Variants in PNLIP observed in about 807,000 individuals in gnomAD.
The protein encoded by PNLIP is pancreatic lipase.
Under a neutral mutation model 57.1 loss-of-function variants are expected in PNLIP, and 49 were observed. The observed-to-expected ratio is 0.86, with a 90% confidence interval of 0.68 to 1.09. The LOEUF is 1.09. PNLIP is among the 50% of genes least tolerant of loss of function. PNLIP has a pLI of 0.00. For missense variants in PNLIP, 503 were observed against 570.2 expected, an observed-to-expected ratio of 0.88 and a Z score of 1.20; for synonymous variants, 209 against 200.4, an observed-to-expected ratio of 1.04 and a Z score of -0.36.
At chr10:116,553,644 T>C in intron 5 of PNLIP, 83 bp from the exon 6 acceptor site, 1 of 775,220 alleles carries the variant, frequency 1.3e-6, no homozygotes, top group East Asian at 2.6e-5. Flanking sequence ...CGCTTGATGA[T>C]GCATTTCTTG....
At chr10:116,558,905 G>A (rs567660640) in intron 9 of PNLIP, among the ~76,000 whole-genome samples, 10 of 152,274 alleles carry the variant, frequency 6.6e-5, no homozygotes, top group East Asian at 3.9e-4. Flanking sequence ...GATTACAAGC[G>A]TGAGCCACCA....
chr10:116,562,035 T>C (rs751791023), intron 12 of PNLIP, among the ~76,000 whole-genome samples: 2 of 152,164 alleles, frequency 1.3e-5, no homozygotes, highest in Non-Finnish European at 2.9e-5. Context: ...AGAAATAGGC[T>C]TTTCCAAATC....
intron 12 of PNLIP, among the ~76,000 whole-genome samples, chr10:116,563,949 A>C (rs1847339507): frequency 6.6e-6 from 1 of 152,190 alleles, no homozygotes; most frequent in African/African-American, 2.4e-5. Context: ...TATTTATTTG[A>C]AATAAGACCC....
At chr10:116,558,125 G>A (rs1002557632) in intron 9 of PNLIP, among the ~76,000 whole-genome samples, 6 of 148,690 alleles carry the variant, frequency 4.0e-5, no homozygotes, top group Admixed American at 2.7e-4. Context: ...TGAGCCTATT[G>A]TCCTCCTAAT....
At chr10:116,553,388 C>T (rs548824258) in intron 5 of PNLIP, among the ~76,000 whole-genome samples, 49 of 152,304 alleles carry the variant, frequency 3.2e-4, no homozygotes, top group Admixed American at 1.7e-3. Flanking sequence ...TACAGGTGTG[C>T]GCCACCAAGG....
chr10:116,561,094 G>A (rs1169402473), intron 11 of PNLIP, among the ~76,000 whole-genome samples: 1 of 152,118 alleles, frequency 6.6e-6, no homozygotes, highest in Non-Finnish European at 1.5e-5. Flanking sequence ...TTGATAACTG[G>A]CATCTGATTT....
At chr10:116,560,628 A>C in intron 11 of PNLIP, 104 bp downstream of exon 11, 1 of 560,538 alleles carries the variant, frequency 1.8e-6, no homozygotes, top group Non-Finnish European at 3.0e-6. Context: ...CCCAGGCTGG[A>C]GTGTAGTGGT....
At chr10:116,566,851 G>GA (rs1847372346) in intron 12 of PNLIP, among the ~76,000 whole-genome samples, 1 of 151,970 alleles carries the variant, frequency 6.6e-6, no homozygotes, top group Non-Finnish European at 1.5e-5. Flanking sequence ...AGCGTGAAGG[G>GA]AAAAAAACAT....
At chr10:116,566,757 G>T (rs1847371547) in intron 12 of PNLIP, among the ~76,000 whole-genome samples, 1 of 152,028 alleles carries the variant, frequency 6.6e-6, no homozygotes, top group Non-Finnish European at 1.5e-5. Context: ...AAATATTGGT[G>T]CCTTTCTTTT....
At chr10:116,560,132 T>C (rs185856867) in intron 10 of PNLIP, among the ~76,000 whole-genome samples, 1 of 151,994 alleles carries the variant, frequency 6.6e-6, no homozygotes, top group Non-Finnish European at 1.5e-5. Flanking sequence ...AGGTTGGAAA[T>C]TGAAAACTAA....
chr10:116,554,201 G>A (rs370274344), intron 6 of PNLIP, among the ~76,000 whole-genome samples: 10 of 152,204 alleles, frequency 6.6e-5, no homozygotes, highest in African/African-American at 2.4e-4. Flanking sequence ...TAAGGACATC[G>A]AGAGATTTTA....
Position 116,546,108 on chromosome 10 carries a change from ACT to A in PNLIP, c.19_20del (p.Leu7PhefsTer22). MLPLW[T>X]LSLLLGAVAG... ...TTTCGTGTAGATGCTGCCACTTTGG[ACT>A]CTTTCACTGCTGCTGGGAGCAGTAG... is the stretch of plus-strand genomic sequence containing the variant. On this transcript the variant is annotated frameshift_variant, in exon 2 of 13. Transcript: ENST00000369221. LOFTEE classifies it high-confidence loss of function. The A allele has an allele frequency of 6.2e-7, 1 of 1,613,724 alleles. No individual in the cohort carries two copies. The highest frequency in any genetic ancestry group is 8.5e-7 in the Non-Finnish European group (1 of 1,179,790).
intron 9 of PNLIP, among the ~76,000 whole-genome samples, chr10:116,557,586 G>C (rs574181667): frequency 1.3e-5 from 2 of 152,284 alleles, no homozygotes; most frequent in East Asian, 3.9e-4. Flanking sequence ...AATGCCCTCA[G>C]AGAGCTTTGG....
chr10:116,562,360 AAC>A (rs1170298307), intron 12 of PNLIP, among the ~76,000 whole-genome samples: 2 of 152,220 alleles, frequency 1.3e-5, no homozygotes, highest in African/African-American at 4.8e-5. Flanking sequence ...AGTACATGAA[AAC>A]ACAGTTTTCC....
Position 116,547,313 on chromosome 10 carries a change from A to G in PNLIP, c.66A>G (p.Glu22=), listed in dbSNP as rs966104377. The G allele has an allele frequency of 1.9e-6, 3 of 1,613,990 alleles. No individual in the cohort carries two copies. The highest frequency in any genetic ancestry group is 3.3e-5 in the Admixed American group (2 of 59,998). ...TTGCAGGAAAAGAAGTTTGCTACGA[A>G]AGACTCGGCTGCTTCAGTGATGACT... ...GAVAGKEVCY[E]RLGCFSDDSP... is the part of the protein sequence containing the mutation. The change falls in exon 3 of 13, where the codon GAA becomes GAG. Residue 22 remains glutamate, a synonymous_variant. Coordinates refer to ENST00000369221, the MANE Select transcript of PNLIP (RefSeq NM_000936.4).
chr10:116,553,369 T>C (rs1446398825), intron 5 of PNLIP, among the ~76,000 whole-genome samples: 2 of 152,234 alleles, frequency 1.3e-5, no homozygotes, highest in African/African-American at 4.8e-5. Flanking sequence ...CCCCCCAAAG[T>C]GCTGGGATTA....
intron 6 of PNLIP, among the ~76,000 whole-genome samples, chr10:116,554,455 C>T (rs551283650): frequency 9.9e-5 from 15 of 152,232 alleles, no homozygotes; most frequent in East Asian, 1.9e-4. Context: ...AATGAGATAA[C>T]GAATAGTATT....
At chr10:116,557,024 G>A (rs747473099) in intron 9 of PNLIP, among the ~76,000 whole-genome samples, 3 of 152,140 alleles carry the variant, frequency 2.0e-5, no homozygotes, top group Non-Finnish European at 2.9e-5. Flanking sequence ...GAATACATAC[G>A]TTAATTGCTT....
At chr10:116,555,333 A>G (rs954890006) in intron 7 of PNLIP, 36 bp downstream of exon 7, 1 of 1,614,044 alleles carries the variant, frequency 6.2e-7, no homozygotes, top group African/African-American at 1.3e-5. Flanking sequence ...AGGGTGTTAT[A>G]GTGTCTGAGT....
Sources: gnomAD v4.1 joint callset for allele counts (sites outside exome capture counted in the v4.1 genomes callset) on GRCh38, gnomAD v4.1.1 for gene constraint, MANE v1.5 for transcripts, NCBI Gene and HGNC (gene_info 2026-07-23, HGNC 2026-07-21) for gene names.